Variants in HDAC9 observed in about 807,000 individuals in gnomAD.
The protein encoded by HDAC9 is histone deacetylase 9.
Under a neutral mutation model 139.4 loss-of-function variants are expected in HDAC9, and 41 were observed. That is an observed-to-expected ratio of 0.29 (90% CI 0.23 to 0.38). HDAC9 has a LOEUF of 0.38. HDAC9 is among the 10% of genes least tolerant of loss of function. The probability of loss-of-function intolerance (pLI) is 1.00; values close to 1 mark genes in which losing one functional copy is unlikely to be tolerated. For missense variants in HDAC9, 1,147 were observed against 1,297.0 expected (o/e 0.88, Z 1.78); for synonymous variants, 517 against 476.2 (o/e 1.09, Z -1.12).
At chr7:18,747,946 C>T (rs978562417) in intron 13 of HDAC9, among the ~76,000 whole-genome samples, 11 of 152,238 alleles carry the variant, frequency 7.2e-5, no homozygotes, top group African/African-American at 2.2e-4. Flanking sequence ...ATTACTGGTG[C>T]TTATCTATTC....
chr7:18,214,873 A>C (rs1422673672), intron 2 of HDAC9, among the ~76,000 whole-genome samples: 8 of 152,118 alleles, frequency 5.3e-5, no homozygotes, highest in African/African-American at 1.7e-4. Flanking sequence ...AAGCAAACTG[A>C]TGGGGGCATG....
chr7:18,554,326 A>AT (rs1434339191), intron 2 of HDAC9, among the ~76,000 whole-genome samples: 16 of 116,582 alleles, frequency 1.4e-4, no homozygotes, highest in African/African-American at 4.6e-4. Flanking sequence ...ATTACAGATC[A>AT]CTTTTTTTTT....
chr7:18,818,981 T>TA (rs903115326), intron 17 of HDAC9, among the ~76,000 whole-genome samples: 218 of 148,362 alleles, frequency 1.5e-3, no homozygotes, highest in Middle Eastern at 6.8e-3. Context: ...TATATGAAAT[T>TA]AAAAAAAAAA....
intron 22 of HDAC9, among the ~76,000 whole-genome samples, chr7:18,886,146 G>C (rs1442614050): frequency 6.6e-6 from 1 of 151,912 alleles, no homozygotes; most frequent in African/African-American, 2.4e-5. Context: ...AAGTGAATGA[G>C]TGCTCCATGT....
intron 1 of HDAC9, among the ~76,000 whole-genome samples, chr7:18,476,613 A>G (rs1005801049): frequency 6.6e-6 from 1 of 152,156 alleles, no homozygotes; most frequent in Non-Finnish European, 1.5e-5. Flanking sequence ...AAGCATTAGT[A>G]TTTCAGACTT....
intron 2 of HDAC9, among the ~76,000 whole-genome samples, chr7:18,243,048 A>ATTGT (rs2307520): frequency 0.8 from 120,774 of 151,682 alleles, 48,198 homozygotes; most frequent in South Asian, 0.88. Context: ...ATATTAACTG[A>ATTGT]TTGAGAATGT....
At chr7:18,196,911 A>G (rs1389647613) in intron 2 of HDAC9, among the ~76,000 whole-genome samples, 1 of 152,154 alleles carries the variant, frequency 6.6e-6, no homozygotes, top group Non-Finnish European at 1.5e-5. Flanking sequence ...TTGCCCAGAT[A>G]CTTGGTCAAA....
At chr7:18,984,354 G>A (rs987534345) in intron 25 of HDAC9, among the ~76,000 whole-genome samples, 6 of 152,044 alleles carry the variant, frequency 3.9e-5, no homozygotes, top group African/African-American at 1.4e-4. Flanking sequence ...TAAGCTGGCT[G>A]GGTAGAAAGG....
intron 1 of HDAC9, chr7:18,290,589 C>G (rs1797740981): frequency 4.4e-6 from 2 of 455,164 alleles, no homozygotes; most frequent in African/African-American, 4.0e-5. Context: ...AAGTCTGACT[C>G]TGCAAATCGT....
chr7:18,446,894 G>C (rs1050358176), intron 1 of HDAC9, among the ~76,000 whole-genome samples: 3 of 151,902 alleles, frequency 2.0e-5, no homozygotes, highest in Admixed American at 6.6e-5. Flanking sequence ...TTTTTCCTAA[G>C]GTTGGATATT....
At chr7:18,141,336 A>G (rs1412885574) in intron 1 of HDAC9, among the ~76,000 whole-genome samples, 1 of 152,172 alleles carries the variant, frequency 6.6e-6, no homozygotes, top group Admixed American at 6.5e-5. Flanking sequence ...TCCTGGCAAG[A>G]GGTTTAAAAT....
At chr7:18,829,010 C>T in intron 17 of HDAC9, 151 bp from the exon 18 acceptor site, 1 of 661,620 alleles carries the variant, frequency 1.5e-6, no homozygotes, top group South Asian at 1.7e-5. Flanking sequence ...CTATGACTGG[C>T]AATGGGGGAA....
At chr7:18,387,215 G>T (rs1786021438) in intron 1 of HDAC9, among the ~76,000 whole-genome samples, 1 of 152,098 alleles carries the variant, frequency 6.6e-6, no homozygotes, top group African/African-American at 2.4e-5. Context: ...ATCAAGGGGG[G>T]AATCTACCCT....
intron 2 of HDAC9, among the ~76,000 whole-genome samples, chr7:18,571,015 ATC>A (rs1389100578): frequency 6.6e-6 from 1 of 152,338 alleles, no homozygotes; most frequent in East Asian, 1.9e-4. Context: ...AAACTCACAT[ATC>A]CAAAGTGCTT....
Position 18,576,450 on chromosome 7 carries a change from T to C in HDAC9, c.23-8831T>C, listed in dbSNP as rs577946905. 1.8e-3 allele frequency among the ~76,000 whole-genome samples: 274 copies of C among 152,096 alleles called. 1 individual carries two copies. Among genetic ancestry groups the C allele is most frequent in the Admixed American group, 3.5e-3 (54 of 15,272 alleles). ...GCAGAGGTGGGAGGATCACTTGAGG[T>C]CAGGAGTTCAAAACCAGCTTGGCAA... is the stretch of plus-strand genomic sequence containing the variant. On this transcript the variant is annotated intron_variant, in intron 2 of 25. Coordinates refer to ENST00000686413, the MANE Select transcript of HDAC9 (RefSeq NM_178425.4).
In HDAC9 at chr7:18,428,476, C is replaced by T. The variant is rs184396529; in HGVS notation, c.-41-67786C>T. Among the ~76,000 whole-genome samples the T allele has an allele frequency of 8.8e-3, 1,336 of 152,192 alleles. 5 individuals are homozygous for T. Among genetic ancestry groups the T allele is most frequent in the Non-Finnish European group, 0.014 (946 of 68,002 alleles). ...GCTAAAGGTTTGCAGGGATATTTCT[C>T]CAAAGAAGACATACACATGACCAAC... On this transcript the variant is annotated intron_variant, in intron 1 of 3. Transcript: ENST00000413509.
intron 16 of HDAC9, among the ~76,000 whole-genome samples, chr7:18,784,673 T>G (rs1175737344): frequency 6.6e-6 from 1 of 151,950 alleles, no homozygotes; most frequent in Non-Finnish European, 1.5e-5. Context: ...TAACTCACAG[T>G]GGAATAAAGA....
intron 2 of HDAC9, among the ~76,000 whole-genome samples, chr7:18,572,494 CG>C (rs1438211866): frequency 6.6e-6 from 1 of 151,640 alleles, no homozygotes; most frequent in Non-Finnish European, 1.5e-5. Flanking sequence ...GAAAAAAATA[CG>C]GGAAAGGGGA....
intron 1 of HDAC9, among the ~76,000 whole-genome samples, chr7:18,323,743 A>T (rs1445962057): frequency 6.6e-6 from 1 of 152,080 alleles, no homozygotes; most frequent in African/African-American, 2.4e-5. Context: ...AAGAAGAACA[A>T]ATTGCTGGGG....
Sources: gnomAD v4.1 joint callset for allele counts (sites outside exome capture counted in the v4.1 genomes callset) on GRCh38, gnomAD v4.1.1 for gene constraint, MANE v1.5 for transcripts, NCBI Gene and HGNC (gene_info 2026-07-23, HGNC 2026-07-21) for gene names.